Variants in IMPG2 observed in about 807,000 individuals in gnomAD.
IMPG2 encodes interphotoreceptor matrix proteoglycan 2, also known as IPM 200.
IMPG2 carries 91 observed loss-of-function variants against 129.2 expected under a neutral mutation model. The observed-to-expected ratio is 0.70, with a 90% confidence interval of 0.59 to 0.84. IMPG2 has a LOEUF of 0.84. IMPG2 is among the 40% of genes least tolerant of loss of function. The pLI is 0.00. For synonymous variants in IMPG2, 510 were observed against 517.7 expected, an observed-to-expected ratio of 0.99 and a Z score of 0.20; for missense variants, 1,430 against 1,461.7, an observed-to-expected ratio of 0.98 and a Z score of 0.35.
At chr3:101,252,465 C>A (rs1289448851) in intron 11 of IMPG2, among the ~76,000 whole-genome samples, 1 of 152,074 alleles carries the variant, frequency 6.6e-6, no homozygotes, top group African/African-American at 2.4e-5. Context: ...CTGGATGGAC[C>A]TCTTGGACAA....
intron 10 of IMPG2, among the ~76,000 whole-genome samples, chr3:101,255,113 T>C (rs1387070075): frequency 2.0e-5 from 3 of 152,128 alleles, no homozygotes; most frequent in African/African-American, 7.2e-5. Context: ...CTTTCCTTCA[T>C]AAATTACCAA....
In IMPG2 at chr3:101,243,624, A is replaced by G; in HGVS notation, c.2707T>C (p.Phe903Leu). 1.2e-6 allele frequency: 2 copies of G among 1,613,986 alleles called. No individual in the cohort carries two copies. Among genetic ancestry groups the G allele is most frequent in the Non-Finnish European group, 1.7e-6 (2 of 1,179,974 alleles). ...TQTSGALVVF[F>L]SLRVTNMMFS... The stretch of plus-strand genomic sequence containing the variant: ...ATCATGTTAGTCACTCGGAGGCTGA[A>G]GAAAACCACCAAAGCTCCTGAAGTC... The change falls in exon 13 of 19, where the codon TTC (phenylalanine) becomes CTC (leucine). Residue 903 changes from phenylalanine (F) to leucine (L), a missense_variant. Transcript: ENST00000193391.
intron 8 of IMPG2, among the ~76,000 whole-genome samples, chr3:101,268,345 C>G (rs991331685): frequency 2.0e-5 from 3 of 152,168 alleles, no homozygotes; most frequent in African/African-American, 7.2e-5. Flanking sequence ...GCCTCACATT[C>G]TCAGGTTCTC....
rs200919965 is a variant in IMPG2 at position 101,280,946 on chromosome 3, C to CA, written c.534-4234dup. Among the ~76,000 whole-genome samples, 119 of 140,776 alleles carry CA rather than the reference C, an allele frequency of 8.5e-4. 2 individuals are homozygous for CA. The highest frequency in any genetic ancestry group is 2.3e-3 in the East Asian group (11 of 4,878). 92.4% of individuals were successfully genotyped at this position (140,776 alleles called of 152,430 possible). On this transcript the variant is annotated intron_variant, in intron 4 of 18. Coordinates refer to ENST00000193391, the MANE Select transcript of IMPG2 (RefSeq NM_016247.4). The stretch of plus-strand genomic sequence containing the variant: ...CCTGGGTGACAGAGCGAGACTGTTG[C>CA]AAAAAAAAAAAATTATATATATATA...
chr3:101,257,877 A>G, intron 9 of IMPG2, 104 bp from the exon 10 acceptor site: 1 of 1,288,778 alleles, frequency 7.8e-7, no homozygotes, highest in Non-Finnish European at 1.1e-6. Context: ...GGGGAGTCTC[A>G]AAGAGCATGG....
chr3:101,308,663 C>T (rs1707230833), intron 2 of IMPG2, among the ~76,000 whole-genome samples: 1 of 152,228 alleles, frequency 6.6e-6, no homozygotes, highest in Non-Finnish European at 1.5e-5. Flanking sequence ...CTCTGACATG[C>T]CCTGAAGACA....
intron 9 of IMPG2, among the ~76,000 whole-genome samples, chr3:101,257,994 G>A (rs578077533): frequency 1.3e-5 from 2 of 152,118 alleles, no homozygotes; most frequent in East Asian, 1.9e-4. Flanking sequence ...GAATTCTAAG[G>A]AGGCCACAGA....
At chr3:101,249,212 C>A (rs1396425234) in intron 11 of IMPG2, among the ~76,000 whole-genome samples, 2 of 152,104 alleles carry the variant, frequency 1.3e-5, no homozygotes, top group African/African-American at 4.8e-5. Context: ...CTCCTTTAAC[C>A]CTATCCACAT....
rs1706260212 is a variant in IMPG2 at position 101,229,391 on chromosome 3, G to T, written c.3622C>A (p.Leu1208Ile). Residue 1208 changes from leucine to isoleucine, a missense_variant, in exon 17 of 19, where the codon CTT becomes ATT. Leu to Ile is a conservative substitution (Grantham distance 5). Transcript: ENST00000193391. ...GCAAAGTTTCCCACCTCTCTGGAAA[G>T]CTCACTGCTCTCATACATCTGTCTG... ...EIRQMYESSE[L>I]SREEIQERMR... 6.2e-6 allele frequency: 9 copies of T among 1,452,956 alleles called. No individual in the cohort carries two copies. Among genetic ancestry groups the T allele is most frequent in the Non-Finnish European group, 7.4e-6 (8 of 1,084,650 alleles). The allele number at this position is 1,452,956 out of a possible 1,614,324, so 90.0% of individuals were successfully genotyped here.
chr3:101,255,344 T>A (rs1706587209), intron 10 of IMPG2, among the ~76,000 whole-genome samples: 1 of 152,168 alleles, frequency 6.6e-6, no homozygotes, highest in Admixed American at 6.6e-5. Flanking sequence ...ATTGTAAAGC[T>A]TTTGTTGAAC....
intron 10 of IMPG2, 77 bp from the exon 11 acceptor site, chr3:101,253,858 C>T: frequency 1.0e-6 from 1 of 957,598 alleles, no homozygotes; most frequent in Admixed American, 2.0e-5. Context: ...AACTGAAAGT[C>T]AAGTTCTTTC....
At chr3:101,228,942 G>C (rs1168786518) in intron 17 of IMPG2, 66 bp from the exon 18 acceptor site, 2 of 1,159,562 alleles carry the variant, frequency 1.7e-6, no homozygotes, top group East Asian at 4.7e-5. Flanking sequence ...CTTTTAAAAG[G>C]GGTTCTAATT....
intron 4 of IMPG2, among the ~76,000 whole-genome samples, chr3:101,283,087 A>G (rs1706909544): frequency 6.6e-6 from 1 of 152,140 alleles, no homozygotes; most frequent in Non-Finnish European, 1.5e-5. Context: ...CAGTGGCGCA[A>G]TCTCGGCTCA....
intron 2 of IMPG2, among the ~76,000 whole-genome samples, chr3:101,306,578 T>C (rs1707191346): frequency 6.6e-6 from 1 of 152,034 alleles, no homozygotes; most frequent in Admixed American, 6.6e-5. Context: ...AATGCAAAGG[T>C]GAAAAGTCTG....
chr3:101,306,229 A>G (rs1707187960), intron 2 of IMPG2, among the ~76,000 whole-genome samples: 2 of 152,226 alleles, frequency 1.3e-5, no homozygotes, highest in South Asian at 4.1e-4. Flanking sequence ...TGAATATCAT[A>G]TGTTATTATC....
At chr3:101,286,441 G>A (rs1706946549) in intron 4 of IMPG2, among the ~76,000 whole-genome samples, 1 of 152,016 alleles carries the variant, frequency 6.6e-6, no homozygotes, top group African/African-American at 2.4e-5. Flanking sequence ...ATAAATTATG[G>A]TCTACCTCTT....
At position 101,256,145 on chromosome 3, in the gene IMPG2, A is replaced by AAAAAGAAAG. The variant is rs1553682272; in HGVS notation, c.1153+1383_1153+1384insCTTTCTTTT. 5.2e-5 allele frequency among the ~76,000 whole-genome samples: 4 copies of AAAAAGAAAG among 77,572 alleles called. No homozygotes were observed. In the South Asian group the frequency reaches 2.1e-3, roughly 40 times the overall value. The allele number at this position is 77,572 out of a possible 152,430, so 50.9% of individuals were successfully genotyped here. A position where few individuals can be genotyped will look rare whatever the true frequency, so the allele number is the denominator to read the frequency against. On this transcript the variant is annotated intron_variant, in intron 10 of 18. Coordinates refer to ENST00000193391, the MANE Select transcript of IMPG2 (RefSeq NM_016247.4). ...GAAAGAGAGAAAGAAAGAAAGAAAG[A>AAAAAGAAAG]AAAGAAAGAAAGAAAGAAAGAAAGA...
At chr3:101,229,324 C>A in intron 17 of IMPG2, 56 bp downstream of exon 17, 1 of 1,281,618 alleles carries the variant, frequency 7.8e-7, no homozygotes, top group Non-Finnish European at 1.1e-6. Context: ...CCCCCTGCTC[C>A]CCCACACACA....
At chr3:101,305,383 T>G (rs1707178267) in intron 2 of IMPG2, among the ~76,000 whole-genome samples, 1 of 152,122 alleles carries the variant, frequency 6.6e-6, no homozygotes, top group Non-Finnish European at 1.5e-5. Flanking sequence ...GTGAGAGTAC[T>G]CCATATGATA....
Sources: allele counts gnomAD v4.1 joint callset (sites outside exome capture counted in the v4.1 genomes callset), GRCh38; gene constraint gnomAD v4.1.1; transcripts MANE v1.5; gene names NCBI Gene and HGNC (gene_info 2026-07-23, HGNC 2026-07-21).